The following GRM7 variants were observed in gnomAD, a reference collection of about 807,000 sequenced individuals.
GRM7 encodes the protein glutamate metabotropic receptor 7.
A neutral mutation model predicts 84.5 loss-of-function variants in GRM7; 35 were observed. The ratio of observed to expected loss-of-function variants is 0.41; its 90% CI spans 0.32 to 0.55. The LOEUF (loss-of-function observed/expected upper bound fraction) is 0.55, where lower values mean the gene tolerates loss of function less well. GRM7 is among the 20% of genes least tolerant of loss of function. The pLI, the probability that GRM7 is intolerant of heterozygous loss-of-function variation, is 0.19. For synonymous variants in GRM7, 487 were observed against 455.1 expected, an observed-to-expected ratio of 1.07 and a Z score of -0.89; for missense variants, 1,003 against 1,194.6, an observed-to-expected ratio of 0.84 and a Z score of 2.36.
chr3:7,045,363 G>A (rs905632110), intron 1 of GRM7, among the ~76,000 whole-genome samples: 1 of 152,096 alleles, frequency 6.6e-6, no homozygotes, highest in Admixed American at 6.6e-5. Context: ...AAATTGCAAG[G>A]TCTCACTTTG....
chr3:7,602,434 C>T (rs1696360099), intron 8 of GRM7, among the ~76,000 whole-genome samples: 1 of 152,154 alleles, frequency 6.6e-6, no homozygotes, highest in South Asian at 2.1e-4. Context: ...TTATCATCTA[C>T]TGAGATGAAA....
At chr3:7,377,168 G>T (rs1694386343) in intron 4 of GRM7, among the ~76,000 whole-genome samples, 1 of 152,188 alleles carries the variant, frequency 6.6e-6, no homozygotes, top group Non-Finnish European at 1.5e-5. Context: ...TGTTCAATCT[G>T]CATGGTCAGG....
intron 1 of GRM7, among the ~76,000 whole-genome samples, chr3:6,870,888 C>A (rs1695098647): frequency 6.6e-6 from 1 of 152,058 alleles, no homozygotes; most frequent in African/African-American, 2.4e-5. Flanking sequence ...GGTTAAGGAT[C>A]AGTTTTGGAG....
At position 7,188,813 on chromosome 3, in the gene GRM7, C is replaced by T. The variant is rs988645548; in HGVS notation, c.736+42145C>T. 6.6e-6 allele frequency among the ~76,000 whole-genome samples: 1 copy of T among 152,292 alleles called. No individual in the cohort carries two copies. The highest frequency in any genetic ancestry group is 2.1e-4 in the South Asian group (1 of 4,830). On this transcript the variant is annotated intron_variant, in intron 2 of 9. Coordinates refer to ENST00000357716, the MANE Select transcript of GRM7 (RefSeq NM_000844.4). The surrounding 1 kb of genome is among the most constrained non-coding windows in gnomAD (Gnocchi z 4.2). ...CTGTGGCCCTGATATTCTGTAGTGACTCATGATCATTGCATCCAAGCAGTG... is the reference window on the plus strand; with the variant it reads ...CTGTGGCCCTGATATTCTGTAGTGATTCATGATCATTGCATCCAAGCAGTG...
rs1411766756 is a variant in GRM7, at chr3:7,197,790, C to G, written c.736+51122C>G. On this transcript the variant is annotated intron_variant, in intron 2 of 9. Transcript: ENST00000357716. ...GGCCAGTTAGTGGTGTATATAGTTACTGTCATGCTTAACAATTCATAATTA... is the reference window on the plus strand; with the variant it reads ...GGCCAGTTAGTGGTGTATATAGTTAGTGTCATGCTTAACAATTCATAATTA... Among the ~76,000 whole-genome samples, 2 of 151,518 alleles carry G rather than the reference C, an allele frequency of 1.3e-5. 1 individual carries two copies. Among genetic ancestry groups the G allele is most frequent in the Admixed American group, 1.3e-4 (2 of 15,210 alleles).
At chr3:7,605,050 A>G (rs1696498209) in intron 8 of GRM7, among the ~76,000 whole-genome samples, 2 of 152,290 alleles carry the variant, frequency 1.3e-5, no homozygotes, top group South Asian at 4.1e-4. Flanking sequence ...TTCTTGCTCC[A>G]CTGGACTTTT....
chr3:7,408,670 G>C (rs1025114985), intron 4 of GRM7, among the ~76,000 whole-genome samples: 2 of 152,198 alleles, frequency 1.3e-5, no homozygotes, highest in Non-Finnish European at 2.9e-5. Flanking sequence ...AGGCAGACAA[G>C]AAACTGACAC....
At chr3:7,170,027 G>T (rs1320852264) in intron 2 of GRM7, among the ~76,000 whole-genome samples, 5 of 152,184 alleles carry the variant, frequency 3.3e-5, no homozygotes, top group Non-Finnish European at 7.3e-5. Flanking sequence ...GATTCAGTTA[G>T]TTTGAGGCAG....
chr3:7,535,638 G>C (rs554146835), intron 7 of GRM7, among the ~76,000 whole-genome samples: 6 of 152,282 alleles, frequency 3.9e-5, no homozygotes, highest in East Asian at 3.9e-4. Context: ...TTCATAGTAA[G>C]AGTCTCTGTC....
chr3:6,970,973 C>T (rs370755342), intron 1 of GRM7, among the ~76,000 whole-genome samples: 4 of 141,216 alleles, frequency 2.8e-5, no homozygotes, highest in South Asian at 2.5e-4. Flanking sequence ...CAGAGCGAGA[C>T]TCTGTCTCAA....
intron 7 of GRM7, among the ~76,000 whole-genome samples, chr3:7,550,571 CTCTCTCTGTG>C (rs61626629): frequency 0.2 from 16,955 of 84,912 alleles, 1,136 homozygotes; most frequent in East Asian, 0.26. Flanking sequence ...CTCTCTCTCT[CTCTCTCTGTG>C]TGTGTGTGTG....
intron 2 of GRM7, among the ~76,000 whole-genome samples, chr3:7,247,575 T>C (rs537712757): frequency 2.0e-4 from 24 of 120,684 alleles, no homozygotes; most frequent in African/African-American, 7.8e-4. Flanking sequence ...GCCTGGGTAA[T>C]AGAATGAGAC....
chr3:7,320,810 T>C (rs914923688), intron 4 of GRM7, among the ~76,000 whole-genome samples: 2 of 151,864 alleles, frequency 1.3e-5, no homozygotes. Flanking sequence ...TAATATTCCA[T>C]TGTGCAAATA....
At chr3:7,286,610 T>G (rs1443371959) in intron 2 of GRM7, among the ~76,000 whole-genome samples, 1 of 152,194 alleles carries the variant, frequency 6.6e-6, no homozygotes, top group Non-Finnish European at 1.5e-5. Flanking sequence ...CCCTTATTCT[T>G]TCTTTCTGAA....
At chr3:7,489,975 C>G (rs1375278380) in intron 7 of GRM7, among the ~76,000 whole-genome samples, 1 of 151,476 alleles carries the variant, frequency 6.6e-6, no homozygotes, top group Admixed American at 6.6e-5. Context: ...TATGTATATA[C>G]CCTCTAAAAT....
At chr3:7,059,039 G>T (rs748769784) in intron 1 of GRM7, among the ~76,000 whole-genome samples, 1 of 151,686 alleles carries the variant, frequency 6.6e-6, no homozygotes, top group African/African-American at 2.4e-5. Context: ...CCTTATTAAC[G>T]CTAGCAGATA....
chr3:7,706,446 A>G (rs459111), intron 9 of GRM7, among the ~76,000 whole-genome samples: 104,550 of 151,520 alleles, frequency 0.69, 37,684 homozygotes, highest in East Asian at 0.91. Flanking sequence ...GCAAGTTTGG[A>G]GGGAAGATTT....
intron 8 of GRM7, among the ~76,000 whole-genome samples, chr3:7,595,002 C>G (rs1199022745): frequency 6.6e-6 from 1 of 151,952 alleles, no homozygotes; most frequent in Non-Finnish European, 1.5e-5. Context: ...ATTTTCTTAT[C>G]CTATGTCCTC....
At chr3:7,352,542 C>G (rs1043293388) in intron 4 of GRM7, among the ~76,000 whole-genome samples, 1 of 152,112 alleles carries the variant, frequency 6.6e-6, no homozygotes, top group African/African-American at 2.4e-5. Flanking sequence ...AAATCAAACA[C>G]AAGTCCTCAT....
Sources: gnomAD v4.1 joint callset for allele counts (sites outside exome capture counted in the v4.1 genomes callset) on GRCh38, gnomAD v4.1.1 for gene constraint, Gnocchi (gnomAD v3.1) non-coding constraint, MANE v1.5 for transcripts, NCBI Gene and HGNC (gene_info 2026-07-23, HGNC 2026-07-21) for gene names.